Variants in PPM1D observed in about 807,000 individuals in gnomAD.
PPM1D encodes the protein protein phosphatase 1D.
In PPM1D, 52 loss-of-function variants were observed where a neutral mutation model predicts 58.3. The ratio of observed to expected loss-of-function variants is 0.89; its 90% CI spans 0.71 to 1.12. The LOEUF is 1.12. PPM1D is among the 50% of genes most tolerant of loss of function. The pLI, the probability that PPM1D is intolerant of heterozygous loss-of-function variation, is 0.00. For synonymous variants in PPM1D, 278 were observed against 285.1 expected, an observed-to-expected ratio of 0.98 and a Z score of 0.25; for missense variants, 564 against 777.2, an observed-to-expected ratio of 0.73 and a Z score of 3.26.
chr17:60,648,899 G>C (rs1044856692), intron 4 of PPM1D, among the ~76,000 whole-genome samples: 1 of 151,768 alleles, frequency 6.6e-6, no homozygotes, highest in African/African-American at 2.4e-5. Flanking sequence ...GAGTAGCTGG[G>C]ATTACAGGTG....
In PPM1D at chr17:60,642,604, G is replaced by A. The variant is rs1473886908; in HGVS notation, c.827-5288G>A. 2.6e-5 allele frequency among the ~76,000 whole-genome samples: 4 copies of A among 152,174 alleles called. 1 individual carries two copies. Among genetic ancestry groups the A allele is most frequent in the East Asian group, 2.0e-4 (1 of 5,118 alleles). ...CTCTCGAGTAGCTGGGACTACAGGCGTGTGCCACCATGCCCAGCTAATTTT... is the reference window on the plus strand; with the variant it reads ...CTCTCGAGTAGCTGGGACTACAGGCATGTGCCACCATGCCCAGCTAATTTT... On this transcript the variant is annotated intron_variant, in intron 3 of 5. Transcript: ENST00000305921.
chr17:60,653,723 GTT>G (rs1012947106), intron 4 of PPM1D, among the ~76,000 whole-genome samples: 3 of 152,060 alleles, frequency 2.0e-5, no homozygotes, highest in Non-Finnish European at 4.4e-5. Flanking sequence ...GTATTTTCTA[GTT>G]TTCCTTTATA....
Position 60,608,467 on chromosome 17 carries a change from C to G in PPM1D, c.472+7581C>G, listed in dbSNP as rs548502978. On this transcript the variant is annotated intron_variant, in intron 1 of 5. Coordinates refer to ENST00000305921, the MANE Select transcript of PPM1D (RefSeq NM_003620.4). ...ATGAGGTCAAGAACCTGATGAAACC[C>G]AGTTTTTACTAAAAATACAAAAAAT... Among the ~76,000 whole-genome samples the G allele has an allele frequency of 1.8e-4, 28 of 152,184 alleles. No homozygotes were observed. The South Asian group carries it at 5.6e-3, about 30-fold the overall frequency.
At chr17:60,628,207 T>C (rs958890231) in intron 2 of PPM1D, among the ~76,000 whole-genome samples, 6 of 152,226 alleles carry the variant, frequency 3.9e-5, no homozygotes, top group African/African-American at 1.4e-4. Context: ...GACTTTAATT[T>C]TAAGAGTACT....
Position 60,616,596 on chromosome 17 carries a change from T to C in PPM1D, c.473-6925T>C, listed in dbSNP as rs185087417. Reference sequence around the variant, plus strand: ...CTGCACTCCGGCCTGGGTGACAGAGTGAGACTGTCTCAAAAAAAGAAAAAG... The same window carrying C: ...CTGCACTCCGGCCTGGGTGACAGAGCGAGACTGTCTCAAAAAAAGAAAAAG... On this transcript the variant is annotated intron_variant, in intron 1 of 5. Coordinates refer to ENST00000305921, the MANE Select transcript of PPM1D (RefSeq NM_003620.4). 7.1e-4 allele frequency among the ~76,000 whole-genome samples: 108 copies of C among 151,974 alleles called. 1 individual carries two copies. Among genetic ancestry groups the C allele is most frequent in the African/African-American group, 2.6e-3 (107 of 41,420 alleles).
At chr17:60,653,620 G>C (rs2031383693) in intron 4 of PPM1D, among the ~76,000 whole-genome samples, 1 of 152,128 alleles carries the variant, frequency 6.6e-6, no homozygotes, top group Non-Finnish European at 1.5e-5. Flanking sequence ...ATTGCTTTGG[G>C]TAGTATTGTC....
intron 1 of PPM1D, among the ~76,000 whole-genome samples, chr17:60,609,049 T>A (rs1471246566): frequency 6.8e-6 from 1 of 146,486 alleles, no homozygotes; most frequent in Non-Finnish European, 1.5e-5. Context: ...GCCCGGCCTT[T>A]ATTATGTATA....
intron 3 of PPM1D, among the ~76,000 whole-genome samples, chr17:60,635,933 G>A (rs2031015461): frequency 6.6e-6 from 1 of 152,156 alleles, no homozygotes; most frequent in Non-Finnish European, 1.5e-5. Flanking sequence ...TGACTTAACT[G>A]GATGGTTCTG....
In PPM1D at chr17:60,618,261, C is replaced by A. The variant is rs144208378; in HGVS notation, c.473-5260C>A. Reference sequence around the variant, plus strand: ...GAGCAGCTGGTACTACAGGCACATACTACCATGGTTGACTCATGTATTTGT... The same window carrying A: ...GAGCAGCTGGTACTACAGGCACATAATACCATGGTTGACTCATGTATTTGT... On this transcript the variant is annotated intron_variant, in intron 1 of 5. Coordinates refer to ENST00000305921, the MANE Select transcript of PPM1D (RefSeq NM_003620.4). Among the ~76,000 whole-genome samples, 15 of 152,292 alleles carry A rather than the reference C, an allele frequency of 9.8e-5. No homozygotes were observed. In the East Asian group the frequency reaches 2.7e-3, roughly 27 times the overall value.
At chr17:60,626,362 G>A (rs1201829249) in intron 2 of PPM1D, among the ~76,000 whole-genome samples, 1 of 151,548 alleles carries the variant, frequency 6.6e-6, no homozygotes, top group Admixed American at 6.6e-5. Context: ...GTTTAAAAAA[G>A]AGGTGTCTCA....
Position 60,625,704 on chromosome 17 carries a change from A to G in PPM1D, c.701+1955A>G, listed in dbSNP as rs557071001. On this transcript the variant is annotated intron_variant, in intron 2 of 5. Transcript: ENST00000305921. ...CTCCCATGTATATGGGGAAGGTTTA[A>G]TGATAGAGGAAAATGTTTATGGTCA... Among the ~76,000 whole-genome samples the G allele has an allele frequency of 3.3e-5, 5 of 152,310 alleles. No homozygotes were observed. In the South Asian group the frequency reaches 1.0e-3, roughly 32 times the overall value.
chr17:60,647,534 G>T (rs2031271243), intron 3 of PPM1D, among the ~76,000 whole-genome samples: 1 of 151,798 alleles, frequency 6.6e-6, no homozygotes, highest in Admixed American at 6.6e-5. Context: ...TTTCCATTTT[G>T]TATATACTTT....
At chr17:60,632,035 A>G (rs1460997925) in intron 2 of PPM1D, among the ~76,000 whole-genome samples, 1 of 151,926 alleles carries the variant, frequency 6.6e-6, no homozygotes, top group African/African-American at 2.4e-5. Flanking sequence ...AAAATTAGCC[A>G]GGCATGGTGG....
At chr17:60,645,289 G>A (rs1162819408) in intron 3 of PPM1D, among the ~76,000 whole-genome samples, 1 of 152,006 alleles carries the variant, frequency 6.6e-6, no homozygotes, top group Non-Finnish European at 1.5e-5. Context: ...AGGAGGCAGA[G>A]GTTGCAGTGA....
intron 3 of PPM1D, among the ~76,000 whole-genome samples, chr17:60,643,885 T>TTTC (rs1555647466): frequency 7.4e-6 from 1 of 134,948 alleles, no homozygotes; most frequent in African/African-American, 2.8e-5. Context: ...TTTCTTTTCT[T>TTTC]TTTTTTTTTT....
chr17:60,617,967 A>G (rs1388624675), intron 1 of PPM1D, among the ~76,000 whole-genome samples: 1 of 152,122 alleles, frequency 6.6e-6, no homozygotes, highest in Admixed American at 6.6e-5. Context: ...GAGTTCTGTA[A>G]TGGTTTACTT....
At chr17:60,604,237 T>C (rs1339552182) in intron 1 of PPM1D, among the ~76,000 whole-genome samples, 3 of 152,246 alleles carry the variant, frequency 2.0e-5, no homozygotes, top group Non-Finnish European at 4.4e-5. Flanking sequence ...CTTTAAATAT[T>C]GGGAAGCTAT....
rs186201688 is a variant in PPM1D at position 60,615,333 on chromosome 17, C to T, written c.473-8188C>T. ...GCCCAGGTGGGAGGATCGCTTGAGC[C>T]GAGGAGGCAGAGGTTGTGGTGAGCC... is the stretch of plus-strand genomic sequence containing the variant. On this transcript the variant is annotated intron_variant, in intron 1 of 5. Coordinates refer to ENST00000305921, the MANE Select transcript of PPM1D (RefSeq NM_003620.4). Among the ~76,000 whole-genome samples the T allele has an allele frequency of 1.1e-4, 16 of 152,078 alleles. No individual in the cohort carries two copies. The East Asian group carries it at 2.7e-3, about 26-fold the overall frequency.
chr17:60,638,649 G>A (rs560502694), intron 3 of PPM1D, among the ~76,000 whole-genome samples: 2 of 151,994 alleles, frequency 1.3e-5, no homozygotes, highest in Non-Finnish European at 2.9e-5. Flanking sequence ...GATTACAAGC[G>A]CAAGCCACCG....
Sources: gnomAD v4.1 joint callset for allele counts (sites outside exome capture counted in the v4.1 genomes callset) on GRCh38, gnomAD v4.1.1 for gene constraint, MANE v1.5 for transcripts, NCBI Gene and HGNC (gene_info 2026-07-23, HGNC 2026-07-21) for gene names.